SPAG4: variants seen among roughly 807,000 people sequenced by gnomAD.
SPAG4 encodes the protein sperm-associated antigen 4 protein.
In SPAG4, 54 loss-of-function variants were observed where a neutral mutation model predicts 53.9. The ratio of observed to expected loss-of-function variants is 1.00; its 90% CI spans 0.80 to 1.26. SPAG4 has a LOEUF of 1.26. Ranked by LOEUF, SPAG4 falls within the 50% of genes most tolerant of loss-of-function variation. The pLI is 0.00. For missense variants in SPAG4, 548 were observed against 568.6 expected (o/e 0.96, Z 0.37); for synonymous variants, 246 against 237.4 (o/e 1.04, Z -0.33).
rs941715160 is a variant in SPAG4, at chr20:35,616,239, A to G, written c.236A>G (p.Lys79Arg). 2 of 1,534,768 alleles carry G rather than the reference A, an allele frequency of 1.3e-6. No homozygotes were observed. The highest frequency in any genetic ancestry group is 1.4e-5 in the African/African-American group (1 of 70,398). Reference protein sequence around the residue: ...GTTWAGSSQQKPAPRSHNWQT... With the variant: ...GTTWAGSSQQRPAPRSHNWQT... ...ACATGGGCAGGAAGCTCTCAGCAGA[A>G]GCCAGCGCCTCGGAGCCACAACTGG... The change falls in exon 1 of 12, where the codon AAG becomes AGG. Residue 79 changes from lysine to arginine, a missense_variant. By Grantham distance (26) the Lys-to-Arg change is conservative. Coordinates refer to ENST00000374273, the MANE Select transcript of SPAG4 (RefSeq NM_003116.3).
chr20:35,621,064 T>C lies in SPAG4; in HGVS notation c.*42T>C, dbSNP rs1443815960. 1.3e-6 allele frequency: 2 copies of C among 1,599,874 alleles called. No individual in the cohort carries two copies. The highest frequency in any genetic ancestry group is 2.7e-5 in the African/African-American group (2 of 74,718). On this transcript the variant is annotated 3_prime_UTR_variant, in exon 12 of 12. Coordinates refer to ENST00000374273, the MANE Select transcript of SPAG4 (RefSeq NM_003116.3). ...AGTAGAATTGAGTTCTGCTGAAGGA[T>C]ACTGGATCAGTGCTTTCGGGGGCTC... is the stretch of plus-strand genomic sequence containing the variant.
Position 35,617,245 on chromosome 20 carries a change from G to A in SPAG4, c.409+5G>A. The A allele has an allele frequency of 6.3e-7, 1 of 1,579,752 alleles. No homozygotes were observed. Among genetic ancestry groups the A allele is most frequent in the Non-Finnish European group, 8.6e-7 (1 of 1,159,182 alleles). On this transcript the variant is annotated splice_donor_5th_base_variant and intron_variant, in intron 2 of 11. Coordinates refer to ENST00000374273, the MANE Select transcript of SPAG4 (RefSeq NM_003116.3). ...GGGTGTTCAAGAGCTTTCTGAGTAC[G>A]GGCCAGGCCAGCTGCGATCCCCTCT...
At chr20:35,617,658 C>A in intron 3 of SPAG4, 72 bp downstream of exon 3, 1 of 1,585,608 alleles carries the variant, frequency 6.3e-7, no homozygotes, top group Non-Finnish European at 8.7e-7. Context: ...CGGAACCTTG[C>A]TGGCGCTTGA....
intron 9 of SPAG4, 31 bp from the exon 10 acceptor site, chr20:35,619,548 C>T: frequency 3.7e-6 from 6 of 1,603,294 alleles, no homozygotes; most frequent in Non-Finnish European, 5.1e-6. Context: ...CTCTGTCCGA[C>T]GGTTCCGATG....
chr20:35,616,394 T>C (rs2031381332), intron 1 of SPAG4, 87 bp downstream of exon 1: 2 of 1,414,400 alleles, frequency 1.4e-6, no homozygotes, highest in African/African-American at 3.0e-5. Flanking sequence ...TAAGATGATA[T>C]CTGGGCACCT....
chr20:35,618,834 C>A, intron 7 of SPAG4, 89 bp from the exon 8 acceptor site: 1 of 1,469,094 alleles, frequency 6.8e-7, no homozygotes, highest in Non-Finnish European at 9.5e-7. Flanking sequence ...GAAGTCCATC[C>A]CAAAGCAACC....
Position 35,618,105 on chromosome 20 carries a change from TG to T in SPAG4, c.558del (p.Tyr187ThrfsTer14), listed in dbSNP as rs1442829218. The T allele has an allele frequency of 1.2e-6, 2 of 1,613,908 alleles. No homozygotes were observed. Among genetic ancestry groups the T allele is most frequent in the South Asian group, 2.2e-5 (2 of 91,024 alleles). On this transcript the variant is annotated frameshift_variant, in exon 5 of 12. Coordinates refer to ENST00000374273, the MANE Select transcript of SPAG4 (RefSeq NM_003116.3). LOFTEE classifies it high-confidence loss of function. ...LFLSAFWLGL[L>X]YLVSPLENEP... ...TCTCCAGCATTCTGGCTGGGGCTTC[TG>T]TACCTGGTCTCTCCTTTGGAGAATG...
chr20:35,620,223 G>A (rs1440723685), intron 10 of SPAG4, among the ~76,000 whole-genome samples: 1 of 152,098 alleles, frequency 6.6e-6, no homozygotes, highest in Non-Finnish European at 1.5e-5. Context: ...CGCCTTCCTC[G>A]GCCTTCTGAA....
chr20:35,619,553 C>G (rs1160632643), intron 9 of SPAG4, 26 bp from the exon 10 acceptor site: 2 of 1,605,698 alleles, frequency 1.2e-6, no homozygotes, highest in Non-Finnish European at 8.5e-7. Context: ...TCCGACGGTT[C>G]CGATGGTCCC....
chr20:35,619,109 C>G, intron 8 of SPAG4, 86 bp from the exon 9 acceptor site: 1 of 1,105,066 alleles, frequency 9.0e-7, no homozygotes, highest in Non-Finnish European at 1.3e-6. Context: ...TCGGACAGCC[C>G]CCACCCGCCC....
At chr20:35,619,857 T>TA in intron 10 of SPAG4, 111 bp downstream of exon 10, 1 of 1,122,680 alleles carries the variant, frequency 8.9e-7, no homozygotes, top group Non-Finnish European at 1.2e-6. Context: ...AAAATGAAGA[T>TA]ACTACTATTT....
At position 35,615,860 on chromosome 20, in the gene SPAG4, G is replaced by A. The variant is rs1601402723; in HGVS notation, c.-144G>A. 5.8e-6 allele frequency: 4 copies of A among 686,522 alleles called. No homozygotes were observed. The East Asian group carries it at 1.3e-4, about 22-fold the overall frequency. The allele number at this position is 686,522 out of a possible 1,614,324, so 42.5% of individuals were successfully genotyped here. A position where few individuals can be genotyped will look rare whatever the true frequency, so the allele number is the denominator to read the frequency against. ...TCAGCAGCCGGCCGGGACACAGCGG[G>A]AGGGCAGGTGCGGCCGCGGGGCCTG... On this transcript the variant is annotated 5_prime_UTR_variant, in exon 1 of 12. Transcript: ENST00000374273.
chr20:35,617,500 A>G lies in SPAG4; in HGVS notation c.410-20A>G, dbSNP rs1601404633. ...TCTCCCTGCCGTGGGCCCCTCTCTG[A>G]CCCTCTGTCCTGGCCTCAGGCCTGC... is the stretch of plus-strand genomic sequence containing the variant. On this transcript the variant is annotated intron_variant, in intron 2 of 11. Coordinates refer to ENST00000374273, the MANE Select transcript of SPAG4 (RefSeq NM_003116.3). 3.2e-6 allele frequency: 5 copies of G among 1,576,250 alleles called. No homozygotes were observed. Among genetic ancestry groups the G allele is most frequent in the Non-Finnish European group, 4.3e-6 (5 of 1,159,840 alleles).
intron 10 of SPAG4, among the ~76,000 whole-genome samples, chr20:35,620,094 C>T (rs1459078231): frequency 2.0e-5 from 3 of 152,130 alleles, no homozygotes; most frequent in African/African-American, 7.2e-5. Context: ...CCTCATCCTC[C>T]CGAGTAGCTG....
chr20:35,620,412 C>A (rs1186610415), intron 10 of SPAG4, among the ~76,000 whole-genome samples: 2 of 152,060 alleles, frequency 1.3e-5, no homozygotes, highest in African/African-American at 2.4e-5. Flanking sequence ...GGTTTCTTCC[C>A]GGGAGGTGGA....
chr20:35,618,194 G>T, intron 5 of SPAG4, 64 bp downstream of exon 5: 2 of 1,533,662 alleles, frequency 1.3e-6, no homozygotes, highest in Non-Finnish European at 1.8e-6. Context: ...GATTGTGGGG[G>T]TCCCCTGGAC....
In SPAG4 at chr20:35,620,988, A is replaced by G. The variant is rs773875434; in HGVS notation, c.1280A>G (p.Glu427Gly). The part of the protein sequence containing the change: ...RVRAHGVRTS[E>G]GAEGSAQGPH ...CGTGCCCACGGTGTGCGAACCTCAG[A>G]GGGGGCAGAGGGCAGTGCACAGGGG... The change falls in exon 12 of 12, where the codon GAG becomes GGG. Residue 427 changes from glutamate to glycine, a missense_variant. Transcript: ENST00000374273. 1.2e-6 allele frequency: 2 copies of G among 1,614,156 alleles called. No homozygotes were observed. Among genetic ancestry groups the G allele is most frequent in the East Asian group, 2.2e-5 (1 of 44,874 alleles).
rs1160363841 is a variant in SPAG4, at chr20:35,618,639, G to A, written c.636G>A (p.Gln212=). The A allele has an allele frequency of 1.3e-6, 2 of 1,599,840 alleles. No homozygotes were observed. Among genetic ancestry groups the A allele is most frequent in the Admixed American group, 1.7e-5 (1 of 58,172 alleles). The change falls in exon 7 of 12, where the codon CAG becomes CAA. Residue 212 remains glutamine (Q), a synonymous_variant. Coordinates refer to ENST00000374273, the MANE Select transcript of SPAG4 (RefSeq NM_003116.3). ...AGTACCACGAGCGCGTGCGCTCCCA[G>A]GGGCAGCAGCTGCAGCAGCTCCAGG... ...LSEYHERVRS[Q]GQQLQQLQAE... is the part of the protein sequence containing the mutation.
Position 35,618,456 on chromosome 20 carries a change from A to G in SPAG4, c.589A>G (p.Lys197Glu), listed in dbSNP as rs756531078. The G allele has an allele frequency of 6.2e-6, 10 of 1,613,856 alleles. No homozygotes were observed. The African/African-American group carries it at 1.3e-4, about 22-fold the overall frequency. ...YLVSPLENEP[K>E]EMLTLSEYHE... The stretch of plus-strand genomic sequence containing the variant: ...TTGTCCCTTCATCCAACAGGAACCT[A>G]AGGAGATGCTGACTCTAAGGTGAAA... The change falls in exon 6 of 12, where the codon AAG becomes GAG. Residue 197 changes from lysine to glutamate, a missense_variant. Physicochemically the swap from Lys to Glu is moderately conservative, Grantham distance 56. Transcript: ENST00000374273.
Sources: allele counts gnomAD v4.1 joint callset (sites outside exome capture counted in the v4.1 genomes callset), GRCh38; gene constraint gnomAD v4.1.1; transcripts MANE v1.5; gene names NCBI Gene and HGNC (gene_info 2026-07-23, HGNC 2026-07-21).